KAZN: variants seen among roughly 807,000 people sequenced by gnomAD.
The protein encoded by KAZN is kazrin.
KAZN carries 40 observed loss-of-function variants against 87.4 expected under a neutral mutation model. That is an observed-to-expected ratio of 0.46 (90% confidence interval 0.36 to 0.60). The LOEUF (loss-of-function observed/expected upper bound fraction) is 0.60. Ranked by LOEUF, KAZN falls within the 20% of genes least tolerant of loss-of-function variation. The pLI, the probability that KAZN is intolerant of heterozygous loss-of-function variation, is 0.00. For missense variants in KAZN, 898 were observed against 1,073.9 expected (o/e 0.84, Z 2.29); for synonymous variants, 466 against 458.3 (o/e 1.02, Z -0.22).
At chr1:14,481,443 T>C (rs921884714) in intron 2 of KAZN, among the ~76,000 whole-genome samples, 1 of 152,090 alleles carries the variant, frequency 6.6e-6, no homozygotes, top group Non-Finnish European at 1.5e-5. Context: ...CTATCAAATA[T>C]GAATGCTTAG....
chr1:14,924,279 G>C (rs1010178211), intron 1 of KAZN: 28 of 983,088 alleles, frequency 2.8e-5, no homozygotes, highest in Admixed American at 2.5e-4. Context: ...GCCCCGATGC[G>C]GCGGCGACCT....
chr1:14,029,643 A>AT (rs1418463115), intron 1 of KAZN, among the ~76,000 whole-genome samples: 2 of 151,402 alleles, frequency 1.3e-5, no homozygotes, highest in Non-Finnish European at 2.9e-5. Context: ...TCTCGAATTG[A>AT]TTTTTGTATA....
At chr1:13,958,378 G>T (rs1044572711) in intron 1 of KAZN, among the ~76,000 whole-genome samples, 1 of 152,008 alleles carries the variant, frequency 6.6e-6, no homozygotes. Flanking sequence ...AGACCATCCT[G>T]GCTAACACGG....
intron 2 of KAZN, among the ~76,000 whole-genome samples, chr1:14,183,191 A>T (rs1006516009): frequency 1.3e-5 from 2 of 152,202 alleles, no homozygotes; most frequent in African/African-American, 2.4e-5. Flanking sequence ...CGTCAAAGGC[A>T]AAAGCATTGC....
At chr1:15,060,407 C>A in intron 6 of KAZN, 105 bp downstream of exon 6, 1 of 1,422,140 alleles carries the variant, frequency 7.0e-7, no homozygotes, top group Non-Finnish European at 9.8e-7. Context: ...CTCGTCCACC[C>A]AGGGAGCACT....
intron 2 of KAZN, among the ~76,000 whole-genome samples, chr1:14,380,108 T>A (rs957478518): frequency 6.6e-6 from 1 of 152,194 alleles, no homozygotes; most frequent in East Asian, 1.9e-4. Flanking sequence ...GTGAATCTTA[T>A]CCAAGACTAC....
intron 1 of KAZN, among the ~76,000 whole-genome samples, chr1:14,065,382 C>G (rs76345375): frequency 2.0e-5 from 3 of 152,124 alleles, no homozygotes; most frequent in African/African-American, 4.8e-5. Flanking sequence ...ACAGAAAGAA[C>G]AAACACTGTG....
At chr1:15,047,442 G>A (rs1051231565) in intron 4 of KAZN, among the ~76,000 whole-genome samples, 3 of 152,176 alleles carry the variant, frequency 2.0e-5, no homozygotes, top group African/African-American at 4.8e-5. Context: ...GTGCAGTGGG[G>A]AGGTGGAGGG....
intron 1 of KAZN, among the ~76,000 whole-genome samples, chr1:14,008,058 T>C (rs1401883306): frequency 2.0e-5 from 3 of 152,180 alleles, no homozygotes; most frequent in African/African-American, 7.2e-5. Context: ...ATTGGACTTC[T>C]AGTTCTGCTA....
At chr1:14,691,435 G>A (rs781557660) in intron 1 of KAZN, among the ~76,000 whole-genome samples, 14 of 152,266 alleles carry the variant, frequency 9.2e-5, no homozygotes, top group African/African-American at 3.1e-4. Flanking sequence ...AAGAATAACA[G>A]TATTAACAGA....
chr1:14,493,191 C>T (rs757045529), intron 2 of KAZN, among the ~76,000 whole-genome samples: 13 of 151,926 alleles, frequency 8.6e-5, no homozygotes, highest in African/African-American at 1.5e-4. Flanking sequence ...GACTGCCTGC[C>T]CCGTGCTGTA....
chr1:14,138,640 T>C (rs972159435), intron 1 of KAZN, among the ~76,000 whole-genome samples: 2 of 152,122 alleles, frequency 1.3e-5, no homozygotes, highest in Admixed American at 6.5e-5. Flanking sequence ...GGAGAAGATA[T>C]CAGGTAGGCA....
intron 1 of KAZN, among the ~76,000 whole-genome samples, chr1:14,161,381 A>T (rs1204576141): frequency 2.0e-5 from 3 of 152,192 alleles, no homozygotes; most frequent in Non-Finnish European, 4.4e-5. Context: ...GAGAAGCTTG[A>T]CTGCAACCGA....
At chr1:14,538,014 T>A (rs1672601712) in intron 2 of KAZN, among the ~76,000 whole-genome samples, 1 of 152,182 alleles carries the variant, frequency 6.6e-6, no homozygotes, top group Admixed American at 6.5e-5. Context: ...CAAAGGTAGA[T>A]TTGAAGTCCA....
intron 1 of KAZN, among the ~76,000 whole-genome samples, chr1:14,904,793 G>A (rs1020213861): frequency 5.9e-5 from 9 of 152,114 alleles, no homozygotes; most frequent in Non-Finnish European, 7.4e-5. Flanking sequence ...ATGGAGTCTC[G>A]CTGTGTCACC....
chr1:14,750,896 A>G (rs1220162899), intron 1 of KAZN, among the ~76,000 whole-genome samples: 2 of 152,210 alleles, frequency 1.3e-5, no homozygotes. Flanking sequence ...GTGAGTGTCA[A>G]TGGCCAGATC....
chr1:14,478,722 A>G (rs781255963), intron 2 of KAZN, among the ~76,000 whole-genome samples: 39 of 152,060 alleles, frequency 2.6e-4, no homozygotes, highest in Non-Finnish European at 4.3e-4. Context: ...CTGCCTTCGT[A>G]ATGTCTCACA....
At chr1:14,315,652 G>A (rs944692788) in intron 2 of KAZN, among the ~76,000 whole-genome samples, 10 of 152,006 alleles carry the variant, frequency 6.6e-5, no homozygotes, top group Admixed American at 3.9e-4. Context: ...GGATGATGTA[G>A]TATGTCCTCT....
At chr1:14,316,018 A>G (rs1387978726) in intron 2 of KAZN, among the ~76,000 whole-genome samples, 2 of 151,984 alleles carry the variant, frequency 1.3e-5, no homozygotes, top group Non-Finnish European at 2.9e-5. Flanking sequence ...CCCACCAGCT[A>G]TGTATTAACT....
Sources: gnomAD v4.1 joint callset for allele counts (sites outside exome capture counted in the v4.1 genomes callset) on GRCh38, gnomAD v4.1.1 for gene constraint, MANE v1.5 for transcripts, NCBI Gene and HGNC (gene_info 2026-07-23, HGNC 2026-07-21) for gene names.